The following COLEC10 variants were observed in gnomAD, a reference collection of about 807,000 sequenced individuals.
COLEC10 encodes the protein collectin subfamily member 10.
In COLEC10, 22 loss-of-function variants were observed where a neutral mutation model predicts 28.4. That is an observed-to-expected ratio of 0.78 (90% CI 0.55 to 1.11). COLEC10 has a LOEUF of 1.11. Among genes scored for constraint, COLEC10 ranks in the 50% least tolerant of loss-of-function variants. The pLI is 0.00. For synonymous variants in COLEC10, 125 were observed against 116.1 expected, an observed-to-expected ratio of 1.08 and a Z score of -0.49; for missense variants, 361 against 344.1, an observed-to-expected ratio of 1.05 and a Z score of -0.39.
At chr8:119,006,963 G>T (rs1243142465) in intron 1 of COLEC10, among the ~76,000 whole-genome samples, 1 of 151,998 alleles carries the variant, frequency 6.6e-6, no homozygotes, top group East Asian at 1.9e-4. Flanking sequence ...GCAAATGTAG[G>T]CAGTGGTGAT....
chr8:119,050,819 C>T (rs374083832), intron 2 of COLEC10, among the ~76,000 whole-genome samples: 2 of 152,198 alleles, frequency 1.3e-5, no homozygotes, highest in Non-Finnish European at 2.9e-5. Context: ...AGTTCATATG[C>T]TCATTGCCTG....
chr8:118,994,135 A>C (rs1038805924), upstream of COLEC10, among the ~76,000 whole-genome samples: 1 of 152,096 alleles, frequency 6.6e-6, no homozygotes, highest in African/African-American at 2.4e-5. Context: ...CTCTTTTTAC[A>C]TTCCTCCCAT....
At chr8:119,070,781 C>A (rs779322799) in intron 1 of COLEC10, among the ~76,000 whole-genome samples, 1 of 151,862 alleles carries the variant, frequency 6.6e-6, no homozygotes, top group Non-Finnish European at 1.5e-5. Context: ...AAAAGAGAGA[C>A]AAGTTTTAAA....
At chr8:119,008,824 G>A (rs1474870028) in intron 1 of COLEC10, among the ~76,000 whole-genome samples, 1 of 150,952 alleles carries the variant, frequency 6.6e-6, no homozygotes, top group African/African-American at 2.5e-5. Flanking sequence ...TATAAAATAG[G>A]GGTAACTACC....
At chr8:119,029,852 G>C (rs761207591) in intron 2 of COLEC10, among the ~76,000 whole-genome samples, 4 of 152,170 alleles carry the variant, frequency 2.6e-5, no homozygotes, top group Non-Finnish European at 5.9e-5. Flanking sequence ...AAATCTTTGT[G>C]GTCCCTTTAG....
the COLEC10 span, among the ~76,000 whole-genome samples, chr8:118,988,894 A>C: frequency 2.6e-5 from 4 of 152,242 alleles, no homozygotes; most frequent in African/African-American, 9.6e-5. Flanking sequence ...CATTTAGCTC[A>C]GTTTTTATTA....
At chr8:119,026,752 G>C (rs1814199334) in intron 2 of COLEC10, among the ~76,000 whole-genome samples, 1 of 152,146 alleles carries the variant, frequency 6.6e-6, no homozygotes, top group Non-Finnish European at 1.5e-5. Context: ...GTTGGCCGTG[G>C]GAACATCCAA....
intron 2 of COLEC10, among the ~76,000 whole-genome samples, chr8:119,039,847 C>T (rs1814461334): frequency 1.3e-5 from 2 of 152,132 alleles, no homozygotes; most frequent in South Asian, 4.1e-4. Flanking sequence ...CTTTTAAGGA[C>T]TCTGGTGATT....
rs944671261 is a variant in COLEC10 at position 119,008,090 on chromosome 8, AG to A, written n.123-1350del. 6.6e-5 allele frequency among the ~76,000 whole-genome samples: 10 copies of A among 150,954 alleles called. 1 individual carries two copies. Among genetic ancestry groups the A allele is most frequent in the African/African-American group, 2.5e-4 (10 of 40,364 alleles). On this transcript the variant is annotated intron_variant and non_coding_transcript_variant, in intron 1 of 6. Coordinates refer to the COLEC10 transcript ENST00000521788. Reference sequence around the variant, plus strand: ...GTTTCAGCTACATTATAGGTCAGAGAGTTTGGGGAGCTAACTTGGAAATATA... The same window carrying A: ...GTTTCAGCTACATTATAGGTCAGAGATTTGGGGAGCTAACTTGGAAATATA...
At chr8:119,008,168 T>C (rs1813839964) in intron 1 of COLEC10, among the ~76,000 whole-genome samples, 3 of 150,852 alleles carry the variant, frequency 2.0e-5, no homozygotes, top group Admixed American at 2.0e-4. Context: ...TTCTAAGGAA[T>C]TGTGTAATGC....
the COLEC10 span, among the ~76,000 whole-genome samples, chr8:118,983,065 T>C: frequency 6.6e-6 from 1 of 152,190 alleles, no homozygotes; most frequent in African/African-American, 2.4e-5. Flanking sequence ...TGGAGATGTG[T>C]TCTACAATGG....
At chr8:119,096,291 A>G (rs185329286) in intron 3 of COLEC10, among the ~76,000 whole-genome samples, 1 of 152,328 alleles carries the variant, frequency 6.6e-6, no homozygotes, top group East Asian at 1.9e-4. Flanking sequence ...ATTGAAGTCT[A>G]TCAAAATAAA....
chr8:119,105,678 G>A, intron 5 of COLEC10, 122 bp from the exon 6 acceptor site: 2 of 926,122 alleles, frequency 2.2e-6, no homozygotes, highest in Non-Finnish European at 3.2e-6. Flanking sequence ...CCTCATAATA[G>A]GGCTTTGAAA....
In COLEC10 at chr8:119,103,903, T is replaced by C. The variant is rs1255315266; in HGVS notation, c.442+8T>C. ...TGAAGTTTGTCAAGAATGGTGAGCA[T>C]ATTCTCTTTTGTGTTATGTATCTAT... On this transcript the variant is annotated splice_region_variant and intron_variant, in intron 5 of 5. Coordinates refer to ENST00000332843, the MANE Select transcript of COLEC10 (RefSeq NM_006438.5). 6.4e-7 allele frequency: 1 copy of C among 1,558,942 alleles called. No individual in the cohort carries two copies.
intron 1 of COLEC10, among the ~76,000 whole-genome samples, chr8:119,069,062 A>G (rs1435851122): frequency 6.6e-6 from 1 of 152,098 alleles, no homozygotes; most frequent in Non-Finnish European, 1.5e-5. Context: ...ATCATGTTAG[A>G]TGCTAGGGGT....
chr8:119,071,351 C>A (rs1039718552), intron 1 of COLEC10, among the ~76,000 whole-genome samples: 2 of 152,186 alleles, frequency 1.3e-5, no homozygotes, highest in Admixed American at 1.3e-4. Context: ...CCTACAAGGT[C>A]TTGTTTCCAA....
At chr8:119,066,736 CTTTTGAA>C (rs1358773515), upstream of COLEC10, among the ~76,000 whole-genome samples, 2 of 152,250 alleles carry the variant, frequency 1.3e-5, no homozygotes, top group African/African-American at 4.8e-5. Flanking sequence ...TTGTTCTTTC[CTTTTGAA>C]TTTAATCACA....
chr8:118,988,251 T>A, the COLEC10 span, among the ~76,000 whole-genome samples: 7 of 152,158 alleles, frequency 4.6e-5, no homozygotes, highest in South Asian at 2.1e-4. Context: ...ATTCTCATCA[T>A]GAGGATCTGG....
chr8:118,961,207 T>A, the COLEC10 span, among the ~76,000 whole-genome samples: 10 of 152,282 alleles, frequency 6.6e-5, no homozygotes, highest in Admixed American at 5.9e-4. Flanking sequence ...TAGTGACCAG[T>A]CCAAGGTGAG....
Sources: allele counts gnomAD v4.1 joint callset (sites outside exome capture counted in the v4.1 genomes callset), GRCh38; gene constraint gnomAD v4.1.1; transcripts MANE v1.5; gene names NCBI Gene and HGNC (gene_info 2026-07-23, HGNC 2026-07-21).